CACNA1C: variants seen among roughly 807,000 people sequenced by gnomAD.
The protein encoded by CACNA1C is voltage-dependent L-type calcium channel subunit alpha-1C.
In CACNA1C, 30 loss-of-function variants were observed where a neutral mutation model predicts 229.0. The ratio of observed to expected loss-of-function variants is 0.13; its 90% CI spans 0.10 to 0.18. The LOEUF is 0.18. CACNA1C is among the 10% of genes least tolerant of loss of function. CACNA1C has a pLI of 1.00. For missense variants in CACNA1C, 1,658 were observed against 2,845.0 expected, an observed-to-expected ratio of 0.58 and a Z score of 9.49; for synonymous variants, 1,114 against 1,132.5, an observed-to-expected ratio of 0.98 and a Z score of 0.33.
In CACNA1C at chr12:1,971,334, C is replaced by T. The variant is rs2032150036; in HGVS notation, c.139+133C>T. 2.3e-6 allele frequency: 1 copy of T among 441,058 alleles called. No individual in the cohort carries two copies. Among genetic ancestry groups the T allele is most frequent in the Non-Finnish European group, 3.7e-6 (1 of 269,558 alleles). 27.3% of individuals were successfully genotyped at this position (441,058 alleles called of 1,614,324 possible). On this transcript the variant is annotated intron_variant, in intron 1 of 46. Coordinates refer to the CACNA1C transcript ENST00000682462. This position sits in a 1 kb window ranked among gnomAD's most constrained non-coding sequence, Gnocchi z 4.2. ...CTCCATATTTAATCAGGATTTACCA[C>T]ACACCGTTGTAAAATTTTGCCTGTA...
At chr12:2,428,600 G>T (rs1444260391) in intron 3 of CACNA1C, among the ~76,000 whole-genome samples, 1 of 152,312 alleles carries the variant, frequency 6.6e-6, no homozygotes, top group Non-Finnish European at 1.5e-5. Context: ...AACACAGTAG[G>T]AGCCCCAGAC....
intron 1 of CACNA1C, among the ~76,000 whole-genome samples, chr12:2,095,729 G>A (rs1038969206): frequency 6.6e-6 from 1 of 152,154 alleles, no homozygotes; most frequent in South Asian, 2.1e-4. Context: ...TAGGAAGATG[G>A]CAAACAGACG....
At chr12:2,438,018 A>G (rs1336893904) in intron 3 of CACNA1C, among the ~76,000 whole-genome samples, 8 of 121,662 alleles carry the variant, frequency 6.6e-5, no homozygotes, top group African/African-American at 2.6e-4. Context: ...TGGTAGCGGT[A>G]TGATGGTAGT....
At chr12:2,656,497 C>A (rs575290274) in intron 34 of CACNA1C, among the ~76,000 whole-genome samples, 2 of 152,176 alleles carry the variant, frequency 1.3e-5, no homozygotes, top group Admixed American at 1.3e-4. Flanking sequence ...TTAAAATGAC[C>A]ATACTACCCA....
At chr12:2,164,241 A>G (rs1410322748) in intron 3 of CACNA1C, among the ~76,000 whole-genome samples, 1 of 152,198 alleles carries the variant, frequency 6.6e-6, no homozygotes, top group African/African-American at 2.4e-5. Flanking sequence ...GGGGCCAGAC[A>G]CTGGGTCTGC....
intron 29 of CACNA1C, among the ~76,000 whole-genome samples, chr12:2,623,276 TAG>T (rs1285136291): frequency 6.6e-6 from 1 of 152,074 alleles, no homozygotes; most frequent in Non-Finnish European, 1.5e-5. Flanking sequence ...TCCCCTGCCG[TAG>T]CCTCTCTGGG....
Position 2,026,314 on chromosome 12 carries a change from G to A in CACNA1C, c.139+55113G>A, listed in dbSNP as rs78094418. 4.1e-3 allele frequency among the ~76,000 whole-genome samples: 628 copies of A among 152,300 alleles called. 3 individuals carry two copies. Among genetic ancestry groups the A allele is most frequent in the African/African-American group, 0.014 (601 of 41,574 alleles). ...GCTTTTGGATTTTCCTGTTGGTAACGGGGAGCCTTGAAAATTCTTCGGGAG... is the reference window on the plus strand; with the variant it reads ...GCTTTTGGATTTTCCTGTTGGTAACAGGGAGCCTTGAAAATTCTTCGGGAG... On this transcript the variant is annotated intron_variant, in intron 1 of 46. Coordinates refer to the CACNA1C transcript ENST00000682462.
chr12:2,392,997 G>A (rs1027229442), intron 3 of CACNA1C, among the ~76,000 whole-genome samples: 4 of 152,184 alleles, frequency 2.6e-5, no homozygotes, highest in East Asian at 1.9e-4. Context: ...TAACCCTCTA[G>A]TATTAGCACA....
chr12:2,039,687 T>C (rs7976547), intron 1 of CACNA1C, among the ~76,000 whole-genome samples: 7,706 of 152,246 alleles, frequency 0.051, 269 homozygotes, highest in Middle Eastern at 0.078. Flanking sequence ...AAGAAGAACT[T>C]GACCCGGGAC....
chr12:2,409,534 T>A (rs890050324), intron 3 of CACNA1C, among the ~76,000 whole-genome samples: 2 of 152,244 alleles, frequency 1.3e-5, no homozygotes, highest in Admixed American at 1.3e-4. Flanking sequence ...ACAGGTAGAA[T>A]CTTCAACGAG....
At chr12:2,477,711 C>T (rs768171742) in intron 5 of CACNA1C, among the ~76,000 whole-genome samples, 2 of 152,142 alleles carry the variant, frequency 1.3e-5, no homozygotes, top group Non-Finnish European at 2.9e-5. Flanking sequence ...CACAGCCTCT[C>T]CGAGTGGTCC....
chr12:2,018,846 C>T (rs1053073606), intron 1 of CACNA1C, among the ~76,000 whole-genome samples: 2 of 152,148 alleles, frequency 1.3e-5, no homozygotes, highest in African/African-American at 4.8e-5. Flanking sequence ...GAACTTTTCC[C>T]TTACGATAAC....
At chr12:2,636,600 A>G (rs1294719711) in intron 30 of CACNA1C, among the ~76,000 whole-genome samples, 1 of 152,154 alleles carries the variant, frequency 6.6e-6, no homozygotes, top group East Asian at 1.9e-4. Flanking sequence ...GTGATGATGG[A>G]GAGATTAAGT....
At chr12:1,999,551 C>T (rs7137208) in intron 1 of CACNA1C, among the ~76,000 whole-genome samples, 110,377 of 151,938 alleles carry the variant, frequency 0.73, 40,620 homozygotes, top group African/African-American at 0.85. Context: ...TGAGACCTTG[C>T]CTCTACAAAA....
At chr12:2,182,321 A>G (rs1302475880) in intron 3 of CACNA1C, among the ~76,000 whole-genome samples, 2 of 151,992 alleles carry the variant, frequency 1.3e-5, no homozygotes, top group Non-Finnish European at 2.9e-5. Flanking sequence ...GGGTTCATGC[A>G]CCCTGGGGTG....
intron 1 of CACNA1C, among the ~76,000 whole-genome samples, chr12:1,999,985 G>A (rs1301691030): frequency 1.3e-5 from 2 of 152,042 alleles, no homozygotes; most frequent in African/African-American, 4.8e-5. Flanking sequence ...AACAAACATG[G>A]TTAATTCCTA....
chr12:2,296,076 A>C (rs766806027), intron 3 of CACNA1C, among the ~76,000 whole-genome samples: 7 of 152,244 alleles, frequency 4.6e-5, no homozygotes, highest in Non-Finnish European at 1.0e-4. Context: ...GTGTCATAAG[A>C]ACGGATGATT....
chr12:2,548,349 C>G (rs1278018981), intron 9 of CACNA1C, among the ~76,000 whole-genome samples: 2 of 152,282 alleles, frequency 1.3e-5, no homozygotes, highest in East Asian at 3.9e-4. Flanking sequence ...GCTTGTCTGC[C>G]TAGGGTGTAG....
intron 3 of CACNA1C, among the ~76,000 whole-genome samples, chr12:2,418,583 G>A (rs1049997683): frequency 2.0e-5 from 3 of 151,738 alleles, no homozygotes; most frequent in Non-Finnish European, 3.0e-5. Context: ...GGAGGAAAAG[G>A]CTCTTGTGTT....
Sources: gnomAD v4.1 joint callset for allele counts (sites outside exome capture counted in the v4.1 genomes callset) on GRCh38, gnomAD v4.1.1 for gene constraint, Gnocchi (gnomAD v3.1) non-coding constraint, MANE v1.5 for transcripts, NCBI Gene and HGNC (gene_info 2026-07-23, HGNC 2026-07-21) for gene names.